The following PTPRD variants were observed in gnomAD, a reference collection of about 807,000 sequenced individuals.
The protein encoded by PTPRD is protein tyrosine phosphatase receptor type D, also known as receptor-type tyrosine-protein phosphatase delta.
Under a neutral mutation model 214.5 loss-of-function variants are expected in PTPRD, and 34 were observed. That is an observed-to-expected ratio of 0.16 (90% CI 0.12 to 0.21). The LOEUF (loss-of-function observed/expected upper bound fraction) is 0.21, where lower values mean the gene tolerates loss of function less well. Among genes scored for constraint, PTPRD ranks in the 10% least tolerant of loss-of-function variants. The probability of loss-of-function intolerance (pLI) is 1.00; values close to 1 mark genes in which losing one functional copy is unlikely to be tolerated. For synonymous variants in PTPRD, 1,128 were observed against 845.7 expected (o/e 1.33, Z -5.79); for missense variants, 2,545 against 2,398.7 (o/e 1.06, Z -1.27).
At chr9:9,592,177 T>C (rs886875604) in intron 7 of PTPRD, among the ~76,000 whole-genome samples, 2 of 152,138 alleles carry the variant, frequency 1.3e-5, no homozygotes, top group Non-Finnish European at 2.9e-5. Flanking sequence ...TCTTCACTAA[T>C]TTAAAATACA....
intron 3 of PTPRD, among the ~76,000 whole-genome samples, chr9:10,261,945 A>G (rs906171726): frequency 3.3e-5 from 5 of 152,266 alleles, no homozygotes; most frequent in African/African-American, 1.2e-4. Context: ...GATTGTTTTG[A>G]GGAGAAATAT....
chr9:10,591,220 T>G (rs1290054754), intron 2 of PTPRD, among the ~76,000 whole-genome samples: 2 of 151,960 alleles, frequency 1.3e-5, no homozygotes, highest in Non-Finnish European at 2.9e-5. Context: ...TTGCTTGTGC[T>G]TACTCCATCT....
chr9:9,158,681 T>C (rs1028235843), intron 10 of PTPRD, among the ~76,000 whole-genome samples: 33 of 151,888 alleles, frequency 2.2e-4, no homozygotes, highest in African/African-American at 7.0e-4. Context: ...AAAATTGAAG[T>C]GGAGGGAATA....
intron 9 of PTPRD, among the ~76,000 whole-genome samples, chr9:9,199,905 T>C (rs1007186183): frequency 2.6e-5 from 4 of 152,182 alleles, no homozygotes; most frequent in African/African-American, 4.8e-5. Context: ...TGATTCTAGC[T>C]CTCCTACTTC....
At chr9:10,547,131 C>G (rs1183942007) in intron 2 of PTPRD, among the ~76,000 whole-genome samples, 1 of 151,998 alleles carries the variant, frequency 6.6e-6, no homozygotes, top group Admixed American at 6.6e-5. Flanking sequence ...TATAACATAC[C>G]TCAATATCAA....
chr9:9,207,927 A>C (rs2132623064), intron 9 of PTPRD, among the ~76,000 whole-genome samples: 1 of 151,810 alleles, frequency 6.6e-6, no homozygotes. Flanking sequence ...TTCGTAGTAT[A>C]TCTTTTAGTG....
intron 11 of PTPRD, among the ~76,000 whole-genome samples, chr9:8,974,827 T>C (rs2099259091): frequency 6.6e-6 from 1 of 152,064 alleles, no homozygotes; most frequent in South Asian, 2.1e-4. Flanking sequence ...CCAGGTGTGG[T>C]GGCTCACACC....
intron 11 of PTPRD, among the ~76,000 whole-genome samples, chr9:8,924,942 G>A (rs990381675): frequency 2.6e-5 from 4 of 152,164 alleles, no homozygotes; most frequent in Non-Finnish European, 5.9e-5. Flanking sequence ...ATTTGCTTAT[G>A]CTGCTGATGA....
chr9:10,208,805 G>T (rs2099499534), intron 3 of PTPRD, among the ~76,000 whole-genome samples: 2 of 152,266 alleles, frequency 1.3e-5, no homozygotes, highest in African/African-American at 4.8e-5. Context: ...ATATAAAAAT[G>T]AAACAGATGC....
intron 3 of PTPRD, among the ~76,000 whole-genome samples, chr9:10,038,177 C>G (rs185910962): frequency 2.2e-4 from 33 of 152,202 alleles, no homozygotes; most frequent in Admixed American, 1.2e-3. Context: ...TCCTGTAACT[C>G]TATTTATTCC....
intron 5 of PTPRD, among the ~76,000 whole-genome samples, chr9:9,916,322 G>A (rs953255845): frequency 6.6e-6 from 1 of 151,550 alleles, no homozygotes; most frequent in Non-Finnish European, 1.5e-5. Flanking sequence ...AAAGAGAAAA[G>A]AATAAAACCA....
intron 4 of PTPRD, among the ~76,000 whole-genome samples, chr9:9,990,590 C>G (rs570537457): frequency 2.6e-4 from 39 of 152,306 alleles, no homozygotes; most frequent in African/African-American, 9.1e-4. Context: ...GGCCCAGGCC[C>G]CTACACAATC....
intron 14 of PTPRD, among the ~76,000 whole-genome samples, chr9:8,557,763 A>G (rs112694316): frequency 5.2e-5 from 7 of 134,076 alleles, no homozygotes; most frequent in South Asian, 2.2e-4. Context: ...AAAAAAAAAA[A>G]AAAAGAAAAA....
intron 34 of PTPRD, among the ~76,000 whole-genome samples, chr9:8,439,748 AT>A (rs981751936): frequency 9.4e-4 from 143 of 152,212 alleles, no homozygotes; most frequent in African/African-American, 3.2e-3. Context: ...TTGAAAAAAA[AT>A]GTTATATGAT....
intron 4 of PTPRD, among the ~76,000 whole-genome samples, chr9:9,987,606 G>T (rs936514051): frequency 6.6e-6 from 1 of 152,092 alleles, no homozygotes; most frequent in African/African-American, 2.4e-5. Flanking sequence ...TTTGGGTGGG[G>T]ATGTTAGCCA....
intron 7 of PTPRD, among the ~76,000 whole-genome samples, chr9:9,585,609 C>T (rs1474583842): frequency 6.6e-6 from 1 of 152,048 alleles, no homozygotes; most frequent in East Asian, 1.9e-4. Context: ...TTGTCATTCA[C>T]ACAAACCTAA....
intron 11 of PTPRD, among the ~76,000 whole-genome samples, chr9:8,979,166 T>G (rs1214338536): frequency 6.6e-6 from 1 of 152,190 alleles, no homozygotes; most frequent in Non-Finnish European, 1.5e-5. Flanking sequence ...CAAAAGATTA[T>G]TTTTCAAATT....
chr9:9,603,746 G>A (rs1419435571), intron 7 of PTPRD, among the ~76,000 whole-genome samples: 2 of 152,106 alleles, frequency 1.3e-5, no homozygotes, highest in African/African-American at 2.4e-5. Context: ...TGCCTTCCAT[G>A]AATCAAGTCC....
At chr9:8,557,648 C>G (rs10977201) in intron 14 of PTPRD, among the ~76,000 whole-genome samples, 21,506 of 145,626 alleles carry the variant, frequency 0.15, 4,915 homozygotes, top group African/African-American at 0.5. Context: ...GAGGCTGAGG[C>G]AGGGGAATCG....
Sources: gnomAD v4.1 joint callset for allele counts (sites outside exome capture counted in the v4.1 genomes callset) on GRCh38, gnomAD v4.1.1 for gene constraint, MANE v1.5 for transcripts, NCBI Gene and HGNC (gene_info 2026-07-23, HGNC 2026-07-21) for gene names.